Variants in NPAS3 observed in about 807,000 individuals in gnomAD.
The protein encoded by NPAS3 is neuronal PAS domain-containing protein 3.
A neutral mutation model predicts 73.1 loss-of-function variants in NPAS3; 14 were observed. That is an observed-to-expected ratio of 0.19 (90% CI 0.13 to 0.30). The LOEUF (loss-of-function observed/expected upper bound fraction) is 0.30, where lower values mean the gene tolerates loss of function less well. Among genes scored for constraint, NPAS3 ranks in the 10% least tolerant of loss-of-function variants. NPAS3 has a pLI of 1.00. For missense variants in NPAS3, 1,096 were observed against 1,250.0 expected (o/e 0.88, Z 1.86); for synonymous variants, 620 against 541.5 (o/e 1.14, Z -2.01).
intron 4 of NPAS3, among the ~76,000 whole-genome samples, chr14:33,502,941 AACAC>A (rs1473272541): frequency 1.3e-5 from 2 of 151,936 alleles, no homozygotes; most frequent in Non-Finnish European, 2.9e-5. Context: ...TAGAATATCT[AACAC>A]ACTCCAAACT....
At chr14:33,341,363 G>A (rs903304909) in intron 3 of NPAS3, among the ~76,000 whole-genome samples, 4 of 152,122 alleles carry the variant, frequency 2.6e-5, no homozygotes, top group African/African-American at 4.8e-5. Context: ...TTTACCTAAC[G>A]TTATTTCTTT....
At chr14:32,977,069 T>C (rs61980337) in intron 1 of NPAS3, among the ~76,000 whole-genome samples, 10,384 of 77,610 alleles carry the variant, frequency 0.13, 396 homozygotes, top group Middle Eastern at 0.23. Context: ...CACACACACA[T>C]ACACACACAC....
At chr14:33,626,070 C>G (rs563685465) in intron 5 of NPAS3, among the ~76,000 whole-genome samples, 19 of 152,306 alleles carry the variant, frequency 1.2e-4, no homozygotes, top group African/African-American at 4.3e-4. Flanking sequence ...CCCAGAACTT[C>G]TGACTTCTAC....
chr14:33,590,062 C>T (rs948067583), intron 5 of NPAS3, among the ~76,000 whole-genome samples: 1 of 152,194 alleles, frequency 6.6e-6, no homozygotes, highest in Non-Finnish European at 1.5e-5. Flanking sequence ...CAAGTTATCC[C>T]ACCTCAGTTT....
chr14:32,961,297 AGCT>A (rs2139223668), intron 1 of NPAS3, among the ~76,000 whole-genome samples: 1 of 151,848 alleles, frequency 6.6e-6, no homozygotes, highest in African/African-American at 2.4e-5. Context: ...CTGTAGTCCC[AGCT>A]GTTCGAAAGG....
chr14:33,250,307 T>C (rs1909838), intron 3 of NPAS3, among the ~76,000 whole-genome samples: 37,669 of 151,764 alleles, frequency 0.25, 5,078 homozygotes, highest in Middle Eastern at 0.31. Context: ...GTCTTCAAGA[T>C]TGAGCCTACA....
intron 1 of NPAS3, among the ~76,000 whole-genome samples, chr14:33,020,918 G>A (rs548125708): frequency 1.3e-5 from 2 of 151,906 alleles, no homozygotes; most frequent in Non-Finnish European, 2.9e-5. Flanking sequence ...GTGCCACCAC[G>A]CCCAGGTAAT....
Position 33,459,754 on chromosome 14 carries a change from T to C in NPAS3, c.468+92486T>C, listed in dbSNP as rs908490176. Among the ~76,000 whole-genome samples, 2 of 152,222 alleles carry C rather than the reference T, an allele frequency of 1.3e-5. 1 individual carries two copies. The highest frequency in any genetic ancestry group is 6.3e-3 in the Middle Eastern group (2 of 316). ...AAGGCAAACATTGTACAAATCTCCC[T>C]TAAATATCACTGATTGCATAATCTG... On this transcript the variant is annotated intron_variant, in intron 4 of 11. Transcript: ENST00000356141.
At chr14:33,084,610 G>A (rs207474632) in intron 2 of NPAS3, among the ~76,000 whole-genome samples, 1 of 152,094 alleles carries the variant, frequency 6.6e-6, no homozygotes, top group African/African-American at 2.4e-5. Flanking sequence ...ACTCTATCTT[G>A]AGTCCCATGG....
At chr14:33,487,939 T>C (rs1267874805) in intron 4 of NPAS3, among the ~76,000 whole-genome samples, 2 of 152,178 alleles carry the variant, frequency 1.3e-5, no homozygotes, top group Non-Finnish European at 2.9e-5. Context: ...GGATCTTCCA[T>C]GTCTACAAGT....
chr14:33,078,157 A>G (rs1278081380), intron 2 of NPAS3, among the ~76,000 whole-genome samples: 1 of 152,074 alleles, frequency 6.6e-6, no homozygotes, highest in Non-Finnish European at 1.5e-5. Context: ...AAATAAATAA[A>G]CAAACATAAA....
At chr14:33,454,173 A>G (rs1211092766) in intron 4 of NPAS3, among the ~76,000 whole-genome samples, 2 of 152,122 alleles carry the variant, frequency 1.3e-5, no homozygotes, top group African/African-American at 4.8e-5. Context: ...GGATTGTTCT[A>G]TGTTTTCTAT....
chr14:33,774,975 A>C (rs1394560768), intron 8 of NPAS3, among the ~76,000 whole-genome samples: 1 of 152,216 alleles, frequency 6.6e-6, no homozygotes, highest in East Asian at 1.9e-4. Context: ...CAGAGGAAAA[A>C]GGATGAAAAA....
chr14:33,534,865 T>C (rs10140298), intron 4 of NPAS3, among the ~76,000 whole-genome samples: 4,579 of 152,192 alleles, frequency 0.03, 236 homozygotes, highest in African/African-American at 0.1. Context: ...ATCCCTGCTA[T>C]GATCACTCAC....
intron 2 of NPAS3, among the ~76,000 whole-genome samples, chr14:33,179,741 G>C (rs1566645704): frequency 6.6e-6 from 1 of 152,050 alleles, no homozygotes; most frequent in Non-Finnish European, 1.5e-5. Context: ...CCCCAATTCA[G>C]AACTCTTGAA....
chr14:33,756,836 G>C (rs1391134627), intron 7 of NPAS3, among the ~76,000 whole-genome samples: 1 of 152,230 alleles, frequency 6.6e-6, no homozygotes, highest in Non-Finnish European at 1.5e-5. Context: ...GGCAGAGACA[G>C]CAAGAGAGCA....
intron 3 of NPAS3, among the ~76,000 whole-genome samples, chr14:33,338,219 T>C (rs1269363793): frequency 1.3e-5 from 2 of 152,134 alleles, no homozygotes; most frequent in South Asian, 2.1e-4. Context: ...ATAAATTTTA[T>C]TTCTGAATAT....
chr14:33,646,027 A>C (rs1299417466), intron 5 of NPAS3, among the ~76,000 whole-genome samples: 1 of 152,200 alleles, frequency 6.6e-6, no homozygotes, highest in Non-Finnish European at 1.5e-5. Context: ...ATATGTGCTT[A>C]GTGCCGTGGA....
At chr14:33,269,750 A>T (rs911143507) in intron 3 of NPAS3, among the ~76,000 whole-genome samples, 4 of 151,644 alleles carry the variant, frequency 2.6e-5, no homozygotes, top group Non-Finnish European at 4.4e-5. Flanking sequence ...TCGTATTTTC[A>T]TGACTTTATC....
Sources: allele counts gnomAD v4.1 joint callset (sites outside exome capture counted in the v4.1 genomes callset), GRCh38; gene constraint gnomAD v4.1.1; transcripts MANE v1.5; gene names NCBI Gene and HGNC (gene_info 2026-07-23, HGNC 2026-07-21).